Variants in CDK12 observed in about 807,000 individuals in gnomAD.
The protein encoded by CDK12 is cyclin dependent kinase 12.
CDK12 carries 17 observed loss-of-function variants against 133.8 expected under a neutral mutation model. That is an observed-to-expected ratio of 0.13 (90% CI 0.09 to 0.19). The LOEUF (loss-of-function observed/expected upper bound fraction) is 0.19. CDK12 is among the 10% of genes least tolerant of loss of function. The probability of loss-of-function intolerance (pLI) is 1.00; values close to 1 mark genes in which losing one functional copy is unlikely to be tolerated. For synonymous variants in CDK12, 694 were observed against 683.6 expected (o/e 1.02, Z -0.24); for missense variants, 1,508 against 1,818.7 (o/e 0.83, Z 3.11).
At chr17:39,491,351 C>T (rs2051584739) in intron 3 of CDK12, among the ~76,000 whole-genome samples, 1 of 152,106 alleles carries the variant, frequency 6.6e-6, no homozygotes, top group Non-Finnish European at 1.5e-5. Flanking sequence ...ACTCTCCTGC[C>T]TCAGCCTCCC....
intron 8 of CDK12, among the ~76,000 whole-genome samples, chr17:39,512,015 T>G (rs532646318): frequency 6.6e-6 from 1 of 152,332 alleles, no homozygotes; most frequent in African/African-American, 2.4e-5. Flanking sequence ...ATCCAGCCTT[T>G]TATAGTCTGG....
At position 39,462,852 on chromosome 17, in the gene CDK12, T is replaced by A; in HGVS notation, c.781T>A (p.Ser261Thr). Residue 261 changes from serine (S) to threonine (T), a missense_variant, in exon 1 of 14, where the codon TCC (serine) becomes ACC (threonine). Physicochemically the swap from Ser to Thr is moderately conservative, Grantham distance 58. Transcript: ENST00000447079. ...ATCTCATACCTCGAGCAATTATGAC[T>A]CCTACAAGAAAAGTCCTGGAAGTAC... ...SRSHTSSNYD[S>T]YKKSPGSTSR... 2 of 1,614,018 alleles carry A rather than the reference T, an allele frequency of 1.2e-6. No homozygotes were observed. The highest frequency in any genetic ancestry group is 1.7e-6 in the Non-Finnish European group (2 of 1,180,004).
rs71147339 is a variant in CDK12 at position 39,466,615 on chromosome 17, G to GAAAAAAAAAAAAAA, written c.1046+3525_1046+3538dup. Among the ~76,000 whole-genome samples, 12 of 31,480 alleles carry GAAAAAAAAAAAAAA rather than the reference G, an allele frequency of 3.8e-4. 2 individuals are homozygous for GAAAAAAAAAAAAAA. Among genetic ancestry groups the GAAAAAAAAAAAAAA allele is most frequent in the African/African-American group, 3.9e-4 (4 of 10,134 alleles). The allele number at this position is 31,480 out of a possible 152,430, so 20.7% of individuals were successfully genotyped here. ...GGGCAACAAGAGTGAAACTCTATCTGAAAAAAAAAAAAAAAAAAAAAAAAA... is the reference window on the plus strand; with the variant it reads ...GGGCAACAAGAGTGAAACTCTATCTGAAAAAAAAAAAAAAAAAAAAAAAAAAAAAAAAAAAAAAA... On this transcript the variant is annotated intron_variant, in intron 1 of 13. Coordinates refer to ENST00000447079, the MANE Select transcript of CDK12 (RefSeq NM_016507.4).
Position 39,531,255 on chromosome 17 carries a change from T to G in CDK12, c.4412T>G (p.Leu1471Arg). 6.6e-7 allele frequency: 1 copy of G among 1,509,714 alleles called. No homozygotes were observed. Among genetic ancestry groups the G allele is most frequent in the Non-Finnish European group, 8.8e-7 (1 of 1,132,072 alleles). 93.5% of individuals were successfully genotyped at this position (1,509,714 alleles called of 1,614,324 possible). ...GPTQSSAYGK[L>R]YRGPTRVPPR... ...ACTCAGTCTTCTGCTTATGGAAAAC[T>G]CTATCGGGGGCCTACAAGAGTCCCA... Residue 1471 changes from leucine to arginine, a missense_variant, in exon 14 of 14, where the codon CTC (leucine) becomes CGC (arginine). Leu to Arg is a moderately radical substitution (Grantham distance 102). Transcript: ENST00000447079.
Position 39,490,677 on chromosome 17 carries a change from C to T in CDK12, c.2052C>T (p.Asp684=), listed in dbSNP as rs1298051585. Residue 684 remains aspartate, a synonymous_variant, in exon 3 of 14, where the codon GAC becomes GAT. Coordinates refer to ENST00000447079, the MANE Select transcript of CDK12 (RefSeq NM_016507.4). ...ELPGGDLSPP[D]SPEPKAITPP... The stretch of plus-strand genomic sequence containing the variant: ...CTGGTGGAGATCTGTCTCCCCCAGA[C>T]TCTCCAGAACCAAAGGCAATCACAC... The T allele has an allele frequency of 6.2e-7, 1 of 1,613,588 alleles. No individual in the cohort carries two copies. The highest frequency in any genetic ancestry group is 1.3e-5 in the African/African-American group (1 of 74,870).
At chr17:39,478,947 A>G (rs2050421054) in intron 2 of CDK12, among the ~76,000 whole-genome samples, 1 of 152,096 alleles carries the variant, frequency 6.6e-6, no homozygotes, top group African/African-American at 2.4e-5. Context: ...CAGCTGCTCC[A>G]TATCCATGTA....
In CDK12 at chr17:39,490,435, GT is replaced by G. The variant is rs1435459980; in HGVS notation, c.1932-115del. The G allele has an allele frequency of 4.6e-5, 29 of 625,430 alleles. No individual in the cohort carries two copies. The South Asian group carries it at 5.8e-4, about 13-fold the overall frequency. 38.7% of individuals were successfully genotyped at this position (625,430 alleles called of 1,614,324 possible). A position where few individuals can be genotyped will look rare whatever the true frequency, so the allele number is the denominator to read the frequency against. The stretch of plus-strand genomic sequence containing the variant: ...TATTTTTTTTTATGTTATAGTACAG[GT>G]TTTTTTCCTTAAAAATTAGATCTTT... On this transcript the variant is annotated intron_variant, in intron 2 of 13. Coordinates refer to ENST00000447079, the MANE Select transcript of CDK12 (RefSeq NM_016507.4).
chr17:39,541,092 T>C lies in CDK12; in HGVS notation c.451-3157T>C, dbSNP rs144722350. Among the ~76,000 whole-genome samples the C allele has an allele frequency of 3.4e-3, 517 of 152,168 alleles. 4 individuals carry two copies. The highest frequency in any genetic ancestry group is 0.012 in the African/African-American group (482 of 41,512). On this transcript the variant is annotated intron_variant and NMD_transcript_variant, in intron 1 of 4. Coordinates refer to the CDK12 transcript ENST00000559663. ...GAGAATGAGAGTATATGGACATTGATTGAACACTTATGTCAATGCTGTGGA... is the reference window on the plus strand; with the variant it reads ...GAGAATGAGAGTATATGGACATTGACTGAACACTTATGTCAATGCTGTGGA...
chr17:39,546,414 G>T (rs988456754), upstream of CDK12, among the ~76,000 whole-genome samples: 2 of 151,752 alleles, frequency 1.3e-5, no homozygotes, highest in East Asian at 3.9e-4. Context: ...TCGATCTCTT[G>T]ACCTCGTAAT....
Position 39,525,784 on chromosome 17 carries a change from G to A in CDK12, c.3308-80G>A. 6.9e-6 allele frequency: 7 copies of A among 1,014,032 alleles called. 1 individual carries two copies. In the South Asian group the frequency reaches 9.4e-5, roughly 14 times the overall value. The allele number at this position is 1,014,032 out of a possible 1,614,324, so 62.8% of individuals were successfully genotyped here. A position where few individuals can be genotyped will look rare whatever the true frequency, so the allele number is the denominator to read the frequency against. On this transcript the variant is annotated intron_variant, in intron 12 of 13. Coordinates refer to ENST00000447079, the MANE Select transcript of CDK12 (RefSeq NM_016507.4). ...AAATTTCATTTTTTGGATATTGTAA[G>A]TTGCTGTTGCCAGTTGAAGAAGGCA...
intron 3 of CDK12, among the ~76,000 whole-genome samples, chr17:39,491,812 C>CT (rs1321357973): frequency 1.3e-5 from 2 of 149,324 alleles, no homozygotes; most frequent in African/African-American, 4.9e-5. Flanking sequence ...TCATTTCTGA[C>CT]TTTTTAGTAA....
intron 2 of CDK12, among the ~76,000 whole-genome samples, chr17:39,485,165 G>A (rs2051016485): frequency 7.6e-6 from 1 of 131,410 alleles, no homozygotes; most frequent in South Asian, 2.4e-4. Flanking sequence ...GCGAGACTCT[G>A]TCTCAAAAAA....
At position 39,519,974 on chromosome 17, in the gene CDK12, T is replaced by A; in HGVS notation, c.2982T>A (p.Leu994=). 1 of 1,614,044 alleles carries A rather than the reference T, an allele frequency of 6.2e-7. No individual in the cohort carries two copies. The highest frequency in any genetic ancestry group is 8.5e-7 in the Non-Finnish European group (1 of 1,179,956). The change falls in exon 11 of 14, where the codon CTT becomes CTA. Residue 994 remains leucine (L), a synonymous_variant. Transcript: ENST00000447079. ...TCCATAGCATTCCTTCTGCAGCACT[T>A]GATTTATTGGACCACATGCTGACAC... ...EEFSFIPSAA[L]DLLDHMLTLD...
In CDK12 at chr17:39,493,166, G is replaced by GTTT. The variant is rs201228796; in HGVS notation, c.2248+290_2248+292dup. On this transcript the variant is annotated intron_variant, in intron 4 of 13. Transcript: ENST00000447079. ...GCGCAACCACACTCGACTAATTTTT[G>GTTT]TTTTTTTTTTTTTTTTAGTAGAAAC... Among the ~76,000 whole-genome samples, 767 of 132,482 alleles carry GTTT rather than the reference G, an allele frequency of 5.8e-3. 12 individuals are homozygous for GTTT. The highest frequency in any genetic ancestry group is 0.02 in the Middle Eastern group (5 of 254). The allele number at this position is 132,482 out of a possible 152,430, so 86.9% of individuals were successfully genotyped here.
At position 39,461,807 on chromosome 17, in the gene CDK12, A is replaced by G; in HGVS notation, c.-265A>G. ...CTGGCTCGGCGGAGGGAGAAGAGGA[A>G]ACAGACTTGAGCAGCTCCCCGTTGT... On this transcript the variant is annotated 5_prime_UTR_variant, in exon 1 of 14. Transcript: ENST00000447079. 1 of 502,948 alleles carries G rather than the reference A, an allele frequency of 2.0e-6. No homozygotes were observed. The highest frequency in any genetic ancestry group is 3.6e-6 in the Non-Finnish European group (1 of 279,124). 31.2% of individuals were successfully genotyped at this position (502,948 alleles called of 1,614,324 possible). A position where few individuals can be genotyped will look rare whatever the true frequency, so the allele number is the denominator to read the frequency against.
At chr17:39,515,494 TC>T (rs1380246635) in intron 8 of CDK12, among the ~76,000 whole-genome samples, 1 of 152,204 alleles carries the variant, frequency 6.6e-6, no homozygotes, top group Non-Finnish European at 1.5e-5. Context: ...ACTCCCTTTC[TC>T]TGATCATAGA....
At chr17:39,562,584 TTA>T (rs2056411469) in intron 3 of CDK12, among the ~76,000 whole-genome samples, 1 of 152,210 alleles carries the variant, frequency 6.6e-6, no homozygotes, top group Non-Finnish European at 1.5e-5. Flanking sequence ...AGCAAGTTTT[TTA>T]TGTGATTACA....
chr17:39,464,022 G>C (rs565481565), intron 1 of CDK12, among the ~76,000 whole-genome samples: 25 of 152,118 alleles, frequency 1.6e-4, no homozygotes, highest in African/African-American at 6.0e-4. Context: ...TAGCAAATGA[G>C]TTAATTTCTC....
At chr17:39,513,817 G>C (rs1304046199) in intron 8 of CDK12, among the ~76,000 whole-genome samples, 1 of 152,200 alleles carries the variant, frequency 6.6e-6, no homozygotes, top group South Asian at 2.1e-4. Context: ...ATTCATGGTA[G>C]TCTCTCTGAA....
Sources: allele counts gnomAD v4.1 joint callset (sites outside exome capture counted in the v4.1 genomes callset), GRCh38; gene constraint gnomAD v4.1.1; transcripts MANE v1.5; gene names NCBI Gene and HGNC (gene_info 2026-07-23, HGNC 2026-07-21).